The following LIPI variants were observed in gnomAD, a reference collection of about 807,000 sequenced individuals.
LIPI encodes the protein lipase member I.
Under a neutral mutation model 50.6 loss-of-function variants are expected in LIPI, and 59 were observed. The observed-to-expected ratio is 1.16, with a 90% CI of 0.94 to 1.45. LIPI has a LOEUF of 1.45. Among genes scored for constraint, LIPI ranks in the 40% most tolerant of loss-of-function variants. LIPI has a pLI of 0.00. For missense variants in LIPI, 586 were observed against 536.3 expected (o/e 1.09, Z -0.92); for synonymous variants, 203 against 178.2 (o/e 1.14, Z -1.11).
intron 9 of LIPI, among the ~76,000 whole-genome samples, chr21:14,110,275 C>T (rs1368772169): frequency 6.6e-6 from 1 of 151,836 alleles, no homozygotes; most frequent in Non-Finnish European, 1.5e-5. Context: ...CCTATCACCA[C>T]ATCTGTCCAT....
chr21:14,176,744 G>A (rs1416093268), intron 4 of LIPI, among the ~76,000 whole-genome samples: 3 of 135,736 alleles, frequency 2.2e-5, no homozygotes, highest in Non-Finnish European at 4.8e-5. Flanking sequence ...GTTACATTTC[G>A]CTAATAATGC....
chr21:14,137,838 T>TA (rs2017559321), intron 9 of LIPI, among the ~76,000 whole-genome samples: 1 of 151,718 alleles, frequency 6.6e-6, no homozygotes, highest in Non-Finnish European at 1.5e-5. Flanking sequence ...AGGTCAAGGA[T>TA]AAAAAAAGGG....
intron 1 of LIPI, among the ~76,000 whole-genome samples, chr21:14,207,314 C>G (rs929437257): frequency 1.3e-5 from 2 of 151,924 alleles, no homozygotes; most frequent in Admixed American, 1.3e-4. Flanking sequence ...TGAGTGTTCC[C>G]AACATAAAGA....
chr21:14,165,349 A>G lies in LIPI; in HGVS notation c.775T>C (p.Leu259=). 1 of 1,612,996 alleles carries G rather than the reference A, an allele frequency of 6.2e-7. No individual in the cohort carries two copies. The highest frequency in any genetic ancestry group is 8.5e-7 in the Non-Finnish European group (1 of 1,179,174). Residue 259 remains leucine (L), a synonymous_variant, in exon 6 of 10, where the codon TTG becomes CTG. Coordinates refer to ENST00000681601, the MANE Select transcript of LIPI (RefSeq NM_001302998.2). The part of the protein sequence containing the change: ...IKCNHQRAVH[L]FMASLETNCN... ...TTTGTTTCTAAAGATGCCATGAACA[A>G]GTGAACTGCTCTCTGGTGGTTGCAT... is the stretch of plus-strand genomic sequence containing the variant.
chr21:14,167,623 A>G (rs1263904765), intron 4 of LIPI, among the ~76,000 whole-genome samples: 1 of 152,240 alleles, frequency 6.6e-6, no homozygotes, highest in Non-Finnish European at 1.5e-5. Flanking sequence ...GTGGACCTCT[A>G]GCAAACTCCA....
In LIPI at chr21:14,108,936, G is replaced by A. The variant is rs1402800840; in HGVS notation, c.*57C>T. 2 of 1,602,024 alleles carry A rather than the reference G, an allele frequency of 1.2e-6. No individual in the cohort carries two copies. Among genetic ancestry groups the A allele is most frequent in the Non-Finnish European group, 1.7e-6 (2 of 1,170,530 alleles). On this transcript the variant is annotated 3_prime_UTR_variant, in exon 10 of 10. Transcript: ENST00000681601. ...TGCATTATAAAAGACTGATTGCATT[G>A]TTTCATTTACAAGTCCATTAATTCA... is the stretch of plus-strand genomic sequence containing the variant.
At chr21:14,170,556 C>T (rs2018859838) in intron 4 of LIPI, among the ~76,000 whole-genome samples, 1 of 152,120 alleles carries the variant, frequency 6.6e-6, no homozygotes, top group Admixed American at 6.5e-5. Context: ...AAGGCTGGTT[C>T]AATATACGCA....
chr21:14,136,079 C>T (rs1230059933), intron 9 of LIPI, among the ~76,000 whole-genome samples: 1 of 152,146 alleles, frequency 6.6e-6, no homozygotes, highest in Admixed American at 6.5e-5. Context: ...CAGAAGGAAC[C>T]CCACTGCCTT....
intron 3 of LIPI, among the ~76,000 whole-genome samples, chr21:14,184,573 C>T (rs368592174): frequency 2.6e-5 from 4 of 152,142 alleles, no homozygotes; most frequent in East Asian, 3.9e-4. Context: ...CTATTATCCC[C>T]ATTTTATTTA....
chr21:14,175,701 T>C (rs1023077065), intron 4 of LIPI, among the ~76,000 whole-genome samples: 1 of 152,198 alleles, frequency 6.6e-6, no homozygotes, highest in African/African-American at 2.4e-5. Flanking sequence ...GAAATAATTT[T>C]TGTGTTTTAT....
rs762836619 is a variant in LIPI at position 14,108,918 on chromosome 21, T to C, written c.*75A>G. Reference sequence around the variant, plus strand: ...GAATCTCAAATTGAACAGTGCATTATAAAAGACTGATTGCATTGTTTCATT... The same window carrying C: ...GAATCTCAAATTGAACAGTGCATTACAAAAGACTGATTGCATTGTTTCATT... On this transcript the variant is annotated 3_prime_UTR_variant, in exon 10 of 10. Coordinates refer to ENST00000681601, the MANE Select transcript of LIPI (RefSeq NM_001302998.2). 2 of 1,579,128 alleles carry C rather than the reference T, an allele frequency of 1.3e-6. No homozygotes were observed. The highest frequency in any genetic ancestry group is 1.1e-5 in the South Asian group (1 of 90,062).
chr21:14,140,754 T>C (rs2017676566), intron 9 of LIPI, among the ~76,000 whole-genome samples: 1 of 152,168 alleles, frequency 6.6e-6, no homozygotes, highest in Non-Finnish European at 1.5e-5. Context: ...ATTTTCCATT[T>C]ATTCCATTAT....
chr21:14,145,647 G>A (rs1222546491), intron 8 of LIPI, among the ~76,000 whole-genome samples: 7 of 152,236 alleles, frequency 4.6e-5, no homozygotes, highest in South Asian at 2.1e-4. Flanking sequence ...AGTAGAAGGC[G>A]GAGGTGGAGG....
chr21:14,189,237 C>T lies in LIPI; in HGVS notation c.229G>A (p.Val77Ile). The change falls in exon 2 of 10, where the codon GTC (valine) becomes ATC (isoleucine). Residue 77 changes from valine to isoleucine, a missense_variant. Coordinates refer to ENST00000681601, the MANE Select transcript of LIPI (RefSeq NM_001302998.2). ...NVNFNTQKKT[V>I]WLIHGYRPVG... is the part of the protein sequence containing the mutation. Reference sequence around the variant, plus strand: ...GGTCTGTATCCGTGAATAAGCCAGACTGTTTTCTTTTGTGTGTTGAAATTA... The same window carrying T: ...GGTCTGTATCCGTGAATAAGCCAGATTGTTTTCTTTTGTGTGTTGAAATTA... The T allele has an allele frequency of 6.2e-7, 1 of 1,613,968 alleles. No individual in the cohort carries two copies. The highest frequency in any genetic ancestry group is 8.5e-7 in the Non-Finnish European group (1 of 1,179,874).
At chr21:14,134,433 GA>G (rs1281232413) in intron 9 of LIPI, among the ~76,000 whole-genome samples, 1 of 151,768 alleles carries the variant, frequency 6.6e-6, no homozygotes, top group Non-Finnish European at 1.5e-5. Flanking sequence ...TATAGAATTA[GA>G]AAAAAAATCT....
At chr21:14,180,686 T>G (rs1379808924) in intron 4 of LIPI, among the ~76,000 whole-genome samples, 1 of 152,236 alleles carries the variant, frequency 6.6e-6, no homozygotes, top group East Asian at 1.9e-4. Context: ...CACTAAACTA[T>G]GACTTCTTTG....
chr21:14,141,368 T>C (rs12627267), intron 9 of LIPI, among the ~76,000 whole-genome samples: 21,397 of 134,926 alleles, frequency 0.16, 1,808 homozygotes, highest in East Asian at 0.45. Flanking sequence ...TTAATGTTGA[T>C]ACCAAATAAC....
At chr21:14,164,129 A>T (rs1308361885) in intron 6 of LIPI, among the ~76,000 whole-genome samples, 1 of 151,714 alleles carries the variant, frequency 6.6e-6, no homozygotes, top group African/African-American at 2.4e-5. Context: ...AGTTTATGTT[A>T]ATATATATTT....
intron 1 of LIPI, among the ~76,000 whole-genome samples, chr21:14,203,772 G>T (rs992491612): frequency 5.3e-5 from 8 of 151,870 alleles, no homozygotes; most frequent in African/African-American, 1.9e-4. Flanking sequence ...AATGGGTGCA[G>T]CACACCAACA....
Sources: allele counts gnomAD v4.1 joint callset (sites outside exome capture counted in the v4.1 genomes callset), GRCh38; gene constraint gnomAD v4.1.1; transcripts MANE v1.5; gene names NCBI Gene and HGNC (gene_info 2026-07-23, HGNC 2026-07-21).